The following WDFY4 variants were observed in gnomAD, a reference collection of about 807,000 sequenced individuals.
WDFY4 encodes the protein WD repeat- and FYVE domain-containing protein 4.
WDFY4 carries 169 observed loss-of-function variants against 351.9 expected under a neutral mutation model. The ratio of observed to expected loss-of-function variants is 0.48; its 90% CI spans 0.42 to 0.55. The LOEUF is 0.55. WDFY4 is among the 20% of genes least tolerant of loss of function. The pLI, the probability that WDFY4 is intolerant of heterozygous loss-of-function variation, is 0.00. For synonymous variants in WDFY4, 1,622 were observed against 1,574.6 expected, an observed-to-expected ratio of 1.03 and a Z score of -0.71; for missense variants, 3,803 against 3,935.6, an observed-to-expected ratio of 0.97 and a Z score of 0.90.
At chr10:48,822,346 G>A (rs1310717864) in intron 34 of WDFY4, 34 bp from the exon 35 acceptor site, 1 of 1,500,176 alleles carries the variant, frequency 6.7e-7, no homozygotes, top group South Asian at 1.3e-5. Flanking sequence ...AGTCCATTTA[G>A]ACTCTCACCT....
At chr10:48,757,532 T>C (rs573841854) in intron 12 of WDFY4, among the ~76,000 whole-genome samples, 3 of 152,160 alleles carry the variant, frequency 2.0e-5, no homozygotes, top group Admixed American at 1.3e-4. Flanking sequence ...GCATATAGCT[T>C]TGTTTTTATT....
intron 5 of WDFY4, 34 bp downstream of exon 5, chr10:48,723,601 C>A: frequency 6.4e-7 from 1 of 1,550,520 alleles, no homozygotes; most frequent in South Asian, 1.2e-5. Context: ...TTCCCTGGGT[C>A]AAAACCTCAC....
intron 51 of WDFY4, among the ~76,000 whole-genome samples, chr10:48,951,853 G>A (rs1841339931): frequency 6.6e-6 from 1 of 152,154 alleles, no homozygotes; most frequent in South Asian, 2.1e-4. Flanking sequence ...CCCACCCGAG[G>A]TGGGGCCCAG....
At chr10:48,883,359 T>C (rs920174854) in intron 43 of WDFY4, among the ~76,000 whole-genome samples, 1 of 151,766 alleles carries the variant, frequency 6.6e-6, no homozygotes, top group Non-Finnish European at 1.5e-5. Context: ...CCCGTGAACA[T>C]GTTCAGGCAA....
At chr10:48,703,693 G>T (rs530751684) in intron 1 of WDFY4, among the ~76,000 whole-genome samples, 2 of 152,100 alleles carry the variant, frequency 1.3e-5, no homozygotes, top group East Asian at 3.8e-4. Flanking sequence ...TCCCAACTCT[G>T]CAAATCACTC....
At position 48,779,898 on chromosome 10, in the gene WDFY4, TG is replaced by T. The variant is rs1249998729; in HGVS notation, c.3398-42del. The T allele has an allele frequency of 4.5e-6, 7 of 1,548,794 alleles. No individual in the cohort carries two copies. In the African/African-American group the frequency reaches 9.6e-5, roughly 21 times the overall value. On this transcript the variant is annotated intron_variant, in intron 18 of 61. Coordinates refer to ENST00000325239, the MANE Select transcript of WDFY4 (RefSeq NM_001394531.1). ...TCCCCATTCTCCTGGGTTCCTGCAG[TG>T]TAGCACCACACGTGAGACTCAGTGT... is the stretch of plus-strand genomic sequence containing the variant.
Position 48,982,557 on chromosome 10 carries a change from C to T in WDFY4, c.9537C>T (p.Cys3179=), listed in dbSNP as rs1490127617. ...LVGDERGRIF[C]WSADG is the part of the protein sequence containing the mutation. ...GTGATGAGAGGGGGAGAATATTCTG[C>T]TGGTCTGCAGATGGGTAGGAAGAGA... The change falls in exon 62 of 62, where the codon TGC becomes TGT. Residue 3179 remains cysteine, a synonymous_variant. Transcript: ENST00000325239. The T allele has an allele frequency of 3.2e-6, 5 of 1,545,656 alleles. No individual in the cohort carries two copies. The African/African-American group carries it at 4.1e-5, about 13-fold the overall frequency.
intron 1 of WDFY4, among the ~76,000 whole-genome samples, chr10:48,702,063 T>C (rs2063494268): frequency 6.6e-6 from 1 of 152,226 alleles, no homozygotes; most frequent in Non-Finnish European, 1.5e-5. Flanking sequence ...TTTCTTTTTT[T>C]AGTGCACACT....
chr10:48,887,710 C>T (rs373472278), intron 43 of WDFY4, among the ~76,000 whole-genome samples: 87 of 151,110 alleles, frequency 5.8e-4, no homozygotes, highest in African/African-American at 1.6e-3. Context: ...ACCCAGGAGG[C>T]GGAGCTTGCA....
chr10:48,822,511 C>G lies in WDFY4; in HGVS notation c.5956C>G (p.Leu1986Val). Residue 1986 changes from leucine (L) to valine (V), a missense_variant, in exon 35 of 62, where the codon CTC becomes GTC. Physicochemically the swap from Leu to Val is conservative, Grantham distance 32. Coordinates refer to ENST00000325239, the MANE Select transcript of WDFY4 (RefSeq NM_001394531.1). ...CTCGGCAGACCCCAGGCATATCCTC[C>G]TCTTCATCCTGGAGCACATCATGGT... ...MFSADPRHIL[L>V]FILEHIMVVI... 6.5e-7 allele frequency: 1 copy of G among 1,547,536 alleles called. No homozygotes were observed. Among genetic ancestry groups the G allele is most frequent in the Non-Finnish European group, 8.7e-7 (1 of 1,144,508 alleles).
intron 2 of WDFY4, among the ~76,000 whole-genome samples, chr10:48,718,590 A>C (rs928518533): frequency 5.9e-5 from 9 of 152,236 alleles, no homozygotes; most frequent in African/African-American, 1.9e-4. Flanking sequence ...CGGAATGTGC[A>C]CAGCAGCTGA....
intron 28 of WDFY4, 84 bp downstream of exon 28, chr10:48,808,042 A>G (rs932588700): frequency 4.4e-6 from 5 of 1,128,264 alleles, no homozygotes; most frequent in Non-Finnish European, 4.8e-6. Context: ...TGAAAAGTTT[A>G]GCATCTCTGA....
At chr10:48,810,135 G>A (rs2067399053) in intron 28 of WDFY4, among the ~76,000 whole-genome samples, 1 of 152,158 alleles carries the variant, frequency 6.6e-6, no homozygotes, top group South Asian at 2.1e-4. Flanking sequence ...TCTTTAAAAA[G>A]GGAGGGGAAT....
chr10:48,941,885 T>C (rs951905632), intron 48 of WDFY4, 37 bp downstream of exon 48: 1 of 1,548,608 alleles, frequency 6.5e-7, no homozygotes, highest in African/African-American at 1.4e-5. Context: ...CCTCTGGGAA[T>C]GCAAACCAGA....
chr10:48,920,099 C>T (rs777080533), intron 47 of WDFY4, among the ~76,000 whole-genome samples: 1 of 150,556 alleles, frequency 6.6e-6, no homozygotes, highest in Non-Finnish European at 1.5e-5. Flanking sequence ...GTTAATGTAA[C>T]ATACCATATT....
intron 5 of WDFY4, among the ~76,000 whole-genome samples, chr10:48,725,333 G>C (rs903706117): frequency 1.3e-5 from 2 of 152,190 alleles, no homozygotes; most frequent in Non-Finnish European, 2.9e-5. Context: ...AGTCCATGCA[G>C]GATGCTATGG....
At chr10:48,717,469 A>C (rs998136623) in intron 2 of WDFY4, among the ~76,000 whole-genome samples, 7 of 152,202 alleles carry the variant, frequency 4.6e-5, no homozygotes. Context: ...TAATAAATAA[A>C]ACATTTCAGG....
In WDFY4 at chr10:48,820,333, C is replaced by G; in HGVS notation, c.5605C>G (p.Pro1869Ala). The change falls in exon 33 of 62, where the codon CCC becomes GCC. Residue 1869 changes from proline (P) to alanine (A), a missense_variant. Transcript: ENST00000325239. ...EGLQAPTKAH[P>A]ARRKLREFTQ... ...TCTCCAGGCTCCCACCAAGGCACAT[C>G]CCGCCCGGAGGAAGCTGAGGGAGTT... 2 of 1,551,632 alleles carry G rather than the reference C, an allele frequency of 1.3e-6. No individual in the cohort carries two copies. The highest frequency in any genetic ancestry group is 1.7e-6 in the Non-Finnish European group (2 of 1,146,992).
chr10:48,913,817 C>A, intron 47 of WDFY4: 1 of 1,614,098 alleles, frequency 6.2e-7, no homozygotes, highest in Non-Finnish European at 8.5e-7. Context: ...GCTCCACGGG[C>A]AGCCCGTTGC....
Sources: gnomAD v4.1 joint callset for allele counts (sites outside exome capture counted in the v4.1 genomes callset) on GRCh38, gnomAD v4.1.1 for gene constraint, MANE v1.5 for transcripts, NCBI Gene and HGNC (gene_info 2026-07-23, HGNC 2026-07-21) for gene names.